EYS: variants seen among roughly 807,000 people sequenced by gnomAD.
The protein encoded by EYS is EGF-like photoreceptor maintenance factor, also known as protein eyes shut homolog.
Under a neutral mutation model 282.1 loss-of-function variants are expected in EYS, and 250 were observed. The ratio of observed to expected loss-of-function variants is 0.89; its 90% CI spans 0.80 to 0.98. The LOEUF is 0.98. Among genes scored for constraint, EYS ranks in the 50% least tolerant of loss-of-function variants. The probability of loss-of-function intolerance (pLI) is 0.00; values close to 1 mark genes in which losing one functional copy is unlikely to be tolerated. For synonymous variants in EYS, 1,355 were observed against 1,282.9 expected (o/e 1.06, Z -1.20); for missense variants, 4,016 against 3,709.0 (o/e 1.08, Z -2.15).
At chr6:65,215,369 A>G (rs192176441) in intron 12 of EYS, among the ~76,000 whole-genome samples, 1 of 152,308 alleles carries the variant, frequency 6.6e-6, no homozygotes, top group Admixed American at 6.5e-5. Flanking sequence ...AAATACAAAT[A>G]CGGTAGAAAT....
chr6:64,467,634 C>T (rs985195095), intron 26 of EYS, among the ~76,000 whole-genome samples: 5 of 152,112 alleles, frequency 3.3e-5, no homozygotes, highest in African/African-American at 9.7e-5. Flanking sequence ...AAGACATCCA[C>T]GCACACATTC....
intron 31 of EYS, among the ~76,000 whole-genome samples, chr6:64,123,010 G>A (rs1025137710): frequency 6.6e-6 from 1 of 151,966 alleles, no homozygotes; most frequent in Non-Finnish European, 1.5e-5. Flanking sequence ...ACAATATCAT[G>A]AAACTATTGT....
chr6:63,926,577 G>A (rs927684471), intron 35 of EYS, among the ~76,000 whole-genome samples: 2 of 152,120 alleles, frequency 1.3e-5, no homozygotes, highest in African/African-American at 4.8e-5. Flanking sequence ...GAGGGTAAGT[G>A]GCTTATAAAT....
chr6:65,079,453 C>G (rs952011300), intron 12 of EYS, among the ~76,000 whole-genome samples: 3 of 151,760 alleles, frequency 2.0e-5, no homozygotes, highest in African/African-American at 7.3e-5. Flanking sequence ...AATTACAGAT[C>G]AATTCCAATG....
At chr6:64,565,866 A>G (rs938217675) in intron 26 of EYS, among the ~76,000 whole-genome samples, 8 of 151,746 alleles carry the variant, frequency 5.3e-5, no homozygotes, top group Non-Finnish European at 7.4e-5. Context: ...TCAAAACATA[A>G]CATTATATAC....
At chr6:65,364,302 C>A (rs1764830235) in intron 8 of EYS, among the ~76,000 whole-genome samples, 1 of 149,070 alleles carries the variant, frequency 6.7e-6, no homozygotes, top group South Asian at 2.1e-4. Flanking sequence ...AGAACATTTC[C>A]TTCCATAAGA....
At chr6:65,028,457 G>T (rs1772490288) in intron 13 of EYS, among the ~76,000 whole-genome samples, 1 of 151,788 alleles carries the variant, frequency 6.6e-6, no homozygotes, top group Non-Finnish European at 1.5e-5. Context: ...CATCATCATA[G>T]TACAATTACA....
intron 26 of EYS, among the ~76,000 whole-genome samples, chr6:64,510,619 A>C (rs1415159509): frequency 6.6e-6 from 1 of 152,206 alleles, no homozygotes; most frequent in Admixed American, 6.5e-5. Flanking sequence ...CTGCACAAAA[A>C]ATGAATTGCT....
chr6:65,215,667 C>A (rs1562027344), intron 12 of EYS, among the ~76,000 whole-genome samples: 1 of 152,214 alleles, frequency 6.6e-6, no homozygotes, highest in Non-Finnish European at 1.5e-5. Flanking sequence ...AACAGCAACA[C>A]ATGCCACAGA....
intron 26 of EYS, among the ~76,000 whole-genome samples, chr6:64,448,078 G>A (rs113702238): frequency 0.017 from 2,644 of 152,332 alleles, 85 homozygotes; most frequent in African/African-American, 0.059. Context: ...TCTGGGAAGC[G>A]CAGGGGGTCA....
At chr6:65,483,727 T>C (rs905751967) in intron 5 of EYS, among the ~76,000 whole-genome samples, 1 of 152,056 alleles carries the variant, frequency 6.6e-6, no homozygotes, top group Non-Finnish European at 1.5e-5. Context: ...GATTAAGACA[T>C]ACCTGAGAAT....
chr6:64,151,345 AT>A (rs1562226724), intron 31 of EYS, among the ~76,000 whole-genome samples: 23 of 118,432 alleles, frequency 1.9e-4, no homozygotes, highest in Non-Finnish European at 3.6e-4. Context: ...ATATATATAT[AT>A]ATATATATAT....
chr6:64,453,709 A>G (rs1263453996), intron 26 of EYS, among the ~76,000 whole-genome samples: 2 of 152,138 alleles, frequency 1.3e-5, no homozygotes, highest in South Asian at 2.1e-4. Flanking sequence ...CCTTTGTAGG[A>G]ACATGGATGA....
intron 31 of EYS, among the ~76,000 whole-genome samples, chr6:64,214,614 C>T (rs935605165): frequency 6.6e-6 from 1 of 151,938 alleles, no homozygotes; most frequent in African/African-American, 2.4e-5. Context: ...ATATTAATGT[C>T]TACACAGATT....
At chr6:65,258,971 G>C (rs981990620) in intron 12 of EYS, among the ~76,000 whole-genome samples, 1 of 151,842 alleles carries the variant, frequency 6.6e-6, no homozygotes, top group Non-Finnish European at 1.5e-5. Context: ...AAGCTGGAGG[G>C]GAGTACAGAA....
Position 65,330,277 on chromosome 6 carries a change from G to A in EYS, c.1766+4703C>T, listed in dbSNP as rs371051367. ...AGAGGAGATTCAATAAATAATAAATGTATGAATGAATATATTTCATTCTGT... is the reference window on the plus strand; with the variant it reads ...AGAGGAGATTCAATAAATAATAAATATATGAATGAATATATTTCATTCTGT... On this transcript the variant is annotated intron_variant, in intron 11 of 42. Coordinates refer to ENST00000503581, the MANE Select transcript of EYS (RefSeq NM_001142800.2). The A allele has an allele frequency of 3.0e-4, 287 of 945,126 alleles. 1 individual carries two copies. The East Asian group carries it at 3.6e-3, about 12-fold the overall frequency. 58.5% of individuals were successfully genotyped at this position (945,126 alleles called of 1,614,324 possible).
At chr6:64,540,093 A>G (rs918273077) in intron 26 of EYS, among the ~76,000 whole-genome samples, 1 of 152,164 alleles carries the variant, frequency 6.6e-6, no homozygotes, top group East Asian at 1.9e-4. Flanking sequence ...GATTTTCCGG[A>G]GTCTGAGAAA....
At chr6:63,786,517 C>T (rs1405454656) in intron 39 of EYS, among the ~76,000 whole-genome samples, 3 of 150,878 alleles carry the variant, frequency 2.0e-5, no homozygotes, top group African/African-American at 4.9e-5. Flanking sequence ...GGGAACATCA[C>T]ATACCGGGGC....
At chr6:65,700,653 T>C (rs1769642346) in intron 1 of EYS, among the ~76,000 whole-genome samples, 1 of 152,202 alleles carries the variant, frequency 6.6e-6, no homozygotes, top group Admixed American at 6.5e-5. Context: ...ACATTTGCCG[T>C]GTCAGAAATT....
Sources: allele counts gnomAD v4.1 joint callset (sites outside exome capture counted in the v4.1 genomes callset), GRCh38; gene constraint gnomAD v4.1.1; transcripts MANE v1.5; gene names NCBI Gene and HGNC (gene_info 2026-07-23, HGNC 2026-07-21).